WFDC5: variants seen among roughly 807,000 people sequenced by gnomAD.
WFDC5 encodes the protein WAP four-disulfide core domain protein 5.
In WFDC5, 15 loss-of-function variants were observed where a neutral mutation model predicts 15.7. The ratio of observed to expected loss-of-function variants is 0.96; its 90% CI spans 0.64 to 1.47. The LOEUF (loss-of-function observed/expected upper bound fraction) is 1.47, where lower values mean the gene tolerates loss of function less well. Among genes scored for constraint, WFDC5 ranks in the 40% most tolerant of loss-of-function variants. The pLI, the probability that WFDC5 is intolerant of heterozygous loss-of-function variation, is 0.00. For synonymous variants in WFDC5, 109 were observed against 107.7 expected (o/e 1.01, Z -0.07); for missense variants, 280 against 258.0 (o/e 1.09, Z -0.59).
chr20:45,111,210 T>C (rs1221984144), intron 1 of WFDC5, among the ~76,000 whole-genome samples: 1 of 152,134 alleles, frequency 6.6e-6, no homozygotes, highest in East Asian at 1.9e-4. Flanking sequence ...GGTCAGCTCA[T>C]TAGGACTCAG....
chr20:45,115,069 G>A lies in WFDC5; in HGVS notation c.15C>T (p.Ser5=), dbSNP rs1427677545. ...CCAGGAGGGCCCCCAGGAGGAGAAG[G>A]CTCTGGGTCCTCATATTTCTGCTGC... The change falls in exon 1 of 4, where the codon AGC becomes AGT. Residue 5 remains serine, a synonymous_variant. Transcript: ENST00000307971. 4.3e-6 allele frequency: 7 copies of A among 1,613,022 alleles called. 1 individual carries two copies. The Admixed American group carries it at 8.3e-5, about 19-fold the overall frequency.
At chr20:45,110,146 A>G in intron 3 of WFDC5, 133 bp from the exon 4 acceptor site, 1 of 1,354,016 alleles carries the variant, frequency 7.4e-7, no homozygotes, top group Non-Finnish European at 9.9e-7. Flanking sequence ...CCCCTTCAAA[A>G]GGGCAAACAG....
At chr20:45,110,857 A>C in intron 1 of WFDC5, 82 bp from the exon 2 acceptor site, 1 of 1,565,444 alleles carries the variant, frequency 6.4e-7, no homozygotes, top group Non-Finnish European at 8.7e-7. Context: ...GACAAGACTG[A>C]ATTCTCCATC....
intron 1 of WFDC5, among the ~76,000 whole-genome samples, chr20:45,111,285 C>G (rs1981612017): frequency 6.5e-5 from 6 of 91,980 alleles, no homozygotes; most frequent in South Asian, 3.0e-4. Context: ...TCAGCGCCCC[C>G]CCACCCCGGC....
At chr20:45,115,048 G>T in exon 1 of WFDC5, 1 of 1,613,596 alleles carries the variant, frequency 6.2e-7, no homozygotes, top group South Asian at 1.1e-5. Flanking sequence ...CCACAGCCAG[G>T]AGGGCCCCCA....
chr20:45,111,146 C>A (rs1981605508), intron 1 of WFDC5, among the ~76,000 whole-genome samples: 1 of 152,254 alleles, frequency 6.6e-6, no homozygotes, highest in African/African-American at 2.4e-5. Flanking sequence ...CTGCAGGGCT[C>A]TTGCTCGGGC....
At chr20:45,110,053 T>G in intron 3 of WFDC5, 40 bp from the exon 4 acceptor site, 1 of 1,598,828 alleles carries the variant, frequency 6.3e-7, no homozygotes, top group Non-Finnish European at 8.5e-7. Context: ...CTTCCCATAA[T>G]AGGGCTCTGG....
exon 4 of WFDC5, chr20:45,109,523 T>C: frequency 1.8e-6 from 1 of 542,820 alleles, no homozygotes; most frequent in Non-Finnish European, 3.3e-6. Flanking sequence ...AAACATTAAG[T>C]AAATGGTGGT....
chr20:45,115,793 C>G (rs967966171), upstream of WFDC5, among the ~76,000 whole-genome samples: 6 of 152,126 alleles, frequency 3.9e-5, no homozygotes, highest in Non-Finnish European at 8.8e-5. Flanking sequence ...CCACTGGAAC[C>G]TCTTCTCTGG....
chr20:45,109,524 A>T, exon 4 of WFDC5: 1 of 543,542 alleles, frequency 1.8e-6, no homozygotes, highest in East Asian at 2.8e-5. Flanking sequence ...AACATTAAGT[A>T]AATGGTGGTA....
chr20:45,111,138 G>A (rs534542691), intron 1 of WFDC5, among the ~76,000 whole-genome samples: 100 of 152,286 alleles, frequency 6.6e-4, no homozygotes, highest in Non-Finnish European at 1.3e-3. Context: ...AGCTCTCTCT[G>A]CAGGGCTCTT....
chr20:45,110,015 T>G lies in WFDC5; in HGVS notation c.394-2A>C. The stretch of plus-strand genomic sequence containing the variant: ...CACAGATCCTAAATCAGAATTAGCC[T>G]GAGGAGGGAGAAAGAAAGGGTTAAT... On this transcript the variant is annotated splice_acceptor_variant, in intron 3 of 3. Transcript: ENST00000307971. LOFTEE classifies it high-confidence loss of function. 6.2e-7 allele frequency: 1 copy of G among 1,611,684 alleles called. No individual in the cohort carries two copies. Among genetic ancestry groups the G allele is most frequent in the Non-Finnish European group, 8.5e-7 (1 of 1,177,922 alleles).
upstream of WFDC5, chr20:45,115,253 C>T: frequency 1.7e-6 from 1 of 588,628 alleles, no homozygotes; most frequent in Admixed American, 3.0e-5. Flanking sequence ...GCAAGGGATG[C>T]TGTCACAATA....
exon 3 of WFDC5, chr20:45,110,432 G>T: frequency 6.2e-7 from 1 of 1,611,728 alleles, no homozygotes; most frequent in South Asian, 1.1e-5. Flanking sequence ...CCGCCCGCAG[G>T]CGCTGTGGCA....
intron 3 of WFDC5, 42 bp downstream of exon 3, chr20:45,110,358 C>T (rs368333437): frequency 1.3e-5 from 21 of 1,561,158 alleles, no homozygotes; most frequent in South Asian, 2.3e-5. Flanking sequence ...GAGCTGGGCT[C>T]GGAGAGGGGA....
At chr20:45,110,842 G>T in intron 1 of WFDC5, 67 bp from the exon 2 acceptor site, 1 of 1,589,708 alleles carries the variant, frequency 6.3e-7, no homozygotes, top group Non-Finnish European at 8.6e-7. Context: ...CGCTGACCTG[G>T]GAATGACAAG....
chr20:45,115,017 A>G (rs2145528901), exon 1 of WFDC5: 1 of 1,613,716 alleles, frequency 6.2e-7, no homozygotes, highest in East Asian at 2.2e-5. Context: ...TTCCTGCCAA[A>G]GACAGCAGGC....
At chr20:45,111,844 TGA>T (rs539169381) in intron 1 of WFDC5, among the ~76,000 whole-genome samples, 55 of 152,264 alleles carry the variant, frequency 3.6e-4, no homozygotes, top group African/African-American at 1.3e-3. Context: ...CTGACCTCTG[TGA>T]GTGTCCACCC....
At chr20:45,110,888 T>C in intron 1 of WFDC5, 113 bp from the exon 2 acceptor site, 1 of 1,407,250 alleles carries the variant, frequency 7.1e-7, no homozygotes, top group Non-Finnish European at 9.6e-7. Flanking sequence ...TGCCTGTCTT[T>C]TGGCTAGTTG....
Sources: gnomAD v4.1 joint callset for allele counts (sites outside exome capture counted in the v4.1 genomes callset) on GRCh38, gnomAD v4.1.1 for gene constraint, MANE v1.5 for transcripts, NCBI Gene and HGNC (gene_info 2026-07-23, HGNC 2026-07-21) for gene names.